H2BC18: variants seen among roughly 807,000 people sequenced by gnomAD.
The protein encoded by H2BC18 is H2B clustered histone 18.
Under a neutral mutation model 6.3 loss-of-function variants are expected in H2BC18, and 8 were observed. The ratio of observed to expected loss-of-function variants is 1.28; its 90% CI spans 0.75 to 2.31. H2BC18 has a LOEUF of 2.31. Ranked by LOEUF, H2BC18 falls within the 30% of genes most tolerant of loss-of-function variation. The pLI is 0.00. For synonymous variants in H2BC18, 104 were observed against 78.1 expected (o/e 1.33, Z -1.75); for missense variants, 106 against 174.5 (o/e 0.61, Z 2.21).
intron 1 of H2BC18, among the ~76,000 whole-genome samples, chr1:149,796,209 C>A (rs1451453304): frequency 2.0e-5 from 3 of 152,056 alleles, no homozygotes; most frequent in African/African-American, 7.3e-5. Context: ...ATGTATACTA[C>A]TCAACACTTA....
chr1:149,793,551 A>G (rs1196277719), intron 1 of H2BC18, among the ~76,000 whole-genome samples: 3 of 151,952 alleles, frequency 2.0e-5, no homozygotes, highest in African/African-American at 7.3e-5. Flanking sequence ...GGTCGGACTT[A>G]GAGGGGTGGT....
At chr1:149,800,024 A>G (rs1553753152) in intron 1 of H2BC18, among the ~76,000 whole-genome samples, 1 of 152,012 alleles carries the variant, frequency 6.6e-6, no homozygotes, top group African/African-American at 2.4e-5. Flanking sequence ...TTCAAATGCC[A>G]GTTCCAAGTC....
chr1:149,789,935 A>G (rs1472934374), intron 1 of H2BC18: 8 of 1,594,580 alleles, frequency 5.0e-6, no homozygotes, highest in Non-Finnish European at 5.1e-6. Flanking sequence ...AAAAGGGTTA[A>G]TGCCTTATGG....
downstream of H2BC18, among the ~76,000 whole-genome samples, chr1:149,808,403 C>T (rs1553754097): frequency 6.6e-6 from 1 of 152,108 alleles, no homozygotes; most frequent in Non-Finnish European, 1.5e-5. Flanking sequence ...ATTCACATAA[C>T]ATTTCCTTCT....
intron 1 of H2BC18, chr1:149,793,142 C>T (rs1477933251): frequency 7.9e-5 from 101 of 1,275,618 alleles, no homozygotes; most frequent in Non-Finnish European, 9.4e-5. Context: ...CGAGCCTCCG[C>T]GGAGAGGAGG....
intron 1 of H2BC18, among the ~76,000 whole-genome samples, chr1:149,801,300 T>A (rs1553753317): frequency 1.3e-5 from 2 of 150,656 alleles, no homozygotes; most frequent in African/African-American, 4.9e-5. Context: ...CTTTGTCAAT[T>A]TTTTATCATT....
In H2BC18 at chr1:149,785,417, T is replaced by C. The variant is rs1331175166; in HGVS notation, c.378-2157A>G. On this transcript the variant is annotated intron_variant, in intron 1 of 1. Coordinates refer to the H2BC18 transcript ENST00000545683. The stretch of plus-strand genomic sequence containing the variant: ...CTGACAGAGCTGTTTCGTTTTTTTT[T>C]TTTTTTTTTTTTTTTTTGAGACAGA... Among the ~76,000 whole-genome samples the C allele has an allele frequency of 6.6e-4, 88 of 133,512 alleles. 2 individuals carry two copies. The highest frequency in any genetic ancestry group is 2.4e-3 in the African/African-American group (86 of 36,364). 87.6% of individuals were successfully genotyped at this position (133,512 alleles called of 152,430 possible).
chr1:149,799,395 G>A (rs1344679702), intron 1 of H2BC18, among the ~76,000 whole-genome samples: 1 of 152,228 alleles, frequency 6.6e-6, no homozygotes, highest in Non-Finnish European at 1.5e-5. Context: ...GAATCTAGGT[G>A]AGGGTCCTTC....
intron 1 of H2BC18, among the ~76,000 whole-genome samples, chr1:149,800,219 C>T (rs2091851538): frequency 6.6e-6 from 1 of 152,224 alleles, no homozygotes; most frequent in African/African-American, 2.4e-5. Flanking sequence ...GAGCATGGAG[C>T]TTCCATGCAC....
chr1:149,791,207 A>G, intron 1 of H2BC18: 1 of 1,606,086 alleles, frequency 6.2e-7, no homozygotes, highest in South Asian at 1.1e-5. Flanking sequence ...TCTAAATAGT[A>G]TCTCTTCTCT....
chr1:149,808,025 A>G (rs1217696889), downstream of H2BC18, among the ~76,000 whole-genome samples: 3 of 152,066 alleles, frequency 2.0e-5, no homozygotes, highest in Non-Finnish European at 4.4e-5. Context: ...TAAAATCTCA[A>G]TTGAAGTAAA....
At chr1:149,810,667 A>C (rs1236713775), downstream of H2BC18, 3 of 152,088 alleles carry the variant, frequency 2.0e-5, no homozygotes, top group African/African-American at 7.2e-5. Flanking sequence ...AGGTCTTCAG[A>C]AATTCACCCC....
intron 1 of H2BC18, chr1:149,791,747 C>A: frequency 3.5e-6 from 2 of 576,994 alleles, no homozygotes; most frequent in Non-Finnish European, 6.1e-6. Flanking sequence ...GAAAAACTTA[C>A]AAGTCAAGCC....
chr1:149,811,439 T>C (rs1352727733), downstream of H2BC18: 2 of 163,098 alleles, frequency 1.2e-5, no homozygotes, highest in African/African-American at 4.8e-5. Context: ...CATGGCTATA[T>C]TAGACAAAGT....
chr1:149,812,129 G>C lies in H2BC18; in HGVS notation c.195C>G (p.Ser65=). ...TGCGCTCGAAGATGTCGTTGACGAA[G>C]GAGTTCATGATGCCCATGGCCTTGG... ...ISSKAMGIMN[S]FVNDIFERIA... The change falls in exon 1 of 1, where the codon TCC becomes TCG. Residue 65 remains serine, a synonymous_variant. Coordinates refer to ENST00000369167, the MANE Select transcript of H2BC18 (RefSeq NM_001024599.5). 6.2e-7 allele frequency: 1 copy of C among 1,614,288 alleles called. No individual in the cohort carries two copies. Among genetic ancestry groups the C allele is most frequent in the Non-Finnish European group, 8.5e-7 (1 of 1,180,048 alleles).
intron 1 of H2BC18, chr1:149,784,170 T>A (rs2091477363): frequency 4.3e-6 from 7 of 1,611,548 alleles, no homozygotes; most frequent in Non-Finnish European, 5.9e-6. Context: ...CAGAATCACC[T>A]CTGCCAGTGT....
intron 1 of H2BC18, chr1:149,794,127 G>A: frequency 2.4e-6 from 1 of 423,334 alleles, no homozygotes; most frequent in Non-Finnish European, 4.7e-6. Context: ...GACCAGTTAG[G>A]AGTCTAGGTG....
At chr1:149,793,040 G>C in intron 1 of H2BC18, 1 of 1,262,214 alleles carries the variant, frequency 7.9e-7, no homozygotes, top group Non-Finnish European at 1.0e-6. Context: ...GCCAGCTCCC[G>C]GGCCCCGGCG....
intron 1 of H2BC18, among the ~76,000 whole-genome samples, chr1:149,806,491 A>AGCAGGAGAATCGCTTGAAC (rs2091918262): frequency 6.6e-6 from 1 of 152,016 alleles, no homozygotes; most frequent in Non-Finnish European, 1.5e-5. Flanking sequence ...GGGAGGCTGA[A>AGCAGGAGAATCGCTTGAAC]GCAGGAGAAT....
Sources: allele counts gnomAD v4.1 joint callset (sites outside exome capture counted in the v4.1 genomes callset), GRCh38; gene constraint gnomAD v4.1.1; transcripts MANE v1.5; gene names NCBI Gene and HGNC (gene_info 2026-07-23, HGNC 2026-07-21).